Variants in GRID2 observed in about 807,000 individuals in gnomAD.
The protein encoded by GRID2 is glutamate ionotropic receptor delta type subunit 2.
A neutral mutation model predicts 114.8 loss-of-function variants in GRID2; 33 were observed. The observed-to-expected ratio is 0.29, with a 90% confidence interval of 0.22 to 0.38. The LOEUF is 0.38. Ranked by LOEUF, GRID2 falls within the 10% of genes least tolerant of loss-of-function variation. The pLI, the probability that GRID2 is intolerant of heterozygous loss-of-function variation, is 1.00. For synonymous variants in GRID2, 505 were observed against 449.9 expected, an observed-to-expected ratio of 1.12 and a Z score of -1.55; for missense variants, 1,184 against 1,257.7, an observed-to-expected ratio of 0.94 and a Z score of 0.89.
intron 1 of GRID2, among the ~76,000 whole-genome samples, chr4:92,384,608 A>ATT: frequency 1.9e-5 from 1 of 53,674 alleles, no homozygotes; most frequent in East Asian, 6.4e-4. Context: ...CATAATATAT[A>ATT]ATATATGTTA....
chr4:92,843,218 G>A (rs891588341), intron 2 of GRID2, among the ~76,000 whole-genome samples: 1 of 151,874 alleles, frequency 6.6e-6, no homozygotes, highest in African/African-American at 2.4e-5. Flanking sequence ...CTCCAGCCTG[G>A]GCGACAGAGT....
intron 8 of GRID2, among the ~76,000 whole-genome samples, chr4:93,335,241 A>G (rs1758925681): frequency 6.6e-6 from 1 of 152,210 alleles, no homozygotes; most frequent in Non-Finnish European, 1.5e-5. Flanking sequence ...CTGACACTTT[A>G]GGCAACTCAG....
At position 93,716,872 on chromosome 4, in the gene GRID2, G is replaced by T. The variant is rs191285447; in HGVS notation, c.2361-52338G>T. ...ACTTTATAAATGTATTCAAAGAAAGGGTCTCTAGATCAATGCAAATTTTTT... is the reference window on the plus strand; with the variant it reads ...ACTTTATAAATGTATTCAAAGAAAGTGTCTCTAGATCAATGCAAATTTTTT... On this transcript the variant is annotated intron_variant, in intron 14 of 15. Transcript: ENST00000282020. Among the ~76,000 whole-genome samples, 13 of 151,976 alleles carry T rather than the reference G, an allele frequency of 8.6e-5. No homozygotes were observed. The East Asian group carries it at 2.1e-3, about 25-fold the overall frequency.
intron 1 of GRID2, among the ~76,000 whole-genome samples, chr4:92,342,179 G>GTA (rs1160536048): frequency 5.9e-5 from 9 of 152,026 alleles, no homozygotes; most frequent in East Asian, 1.9e-4. Flanking sequence ...GTATGTGTGT[G>GTA]TATATATATA....
At chr4:92,719,748 A>C (rs1735723744) in intron 2 of GRID2, among the ~76,000 whole-genome samples, 1 of 152,112 alleles carries the variant, frequency 6.6e-6, no homozygotes, top group African/African-American at 2.4e-5. Context: ...AGGGGGAAGA[A>C]AAGATGACGA....
chr4:92,800,797 A>C (rs1246316939), intron 2 of GRID2, among the ~76,000 whole-genome samples: 1 of 151,984 alleles, frequency 6.6e-6, no homozygotes, highest in Non-Finnish European at 1.5e-5. Context: ...TCTTGGACAG[A>C]TTTAGACCCA....
At chr4:92,803,139 A>G (rs1278529886) in intron 2 of GRID2, among the ~76,000 whole-genome samples, 1 of 151,890 alleles carries the variant, frequency 6.6e-6, no homozygotes, top group African/African-American at 2.4e-5. Flanking sequence ...TCCTCTTAAT[A>G]TAGTGCTATT....
chr4:93,364,991 C>CT (rs1560542584), intron 8 of GRID2, among the ~76,000 whole-genome samples: 1 of 151,998 alleles, frequency 6.6e-6, no homozygotes. Flanking sequence ...TGTCTTTATT[C>CT]TTTTTTGTTT....
At chr4:93,045,889 G>T (rs1029162412) in intron 2 of GRID2, among the ~76,000 whole-genome samples, 3 of 152,040 alleles carry the variant, frequency 2.0e-5, no homozygotes, top group Admixed American at 1.3e-4. Flanking sequence ...TCTAAGCCAA[G>T]TATTTATGGG....
At chr4:93,504,135 T>C (rs750370157) in intron 12 of GRID2, among the ~76,000 whole-genome samples, 5 of 152,124 alleles carry the variant, frequency 3.3e-5, no homozygotes, top group Admixed American at 1.3e-4. Context: ...AAATTTTTGA[T>C]AGTATGATTA....
intron 1 of GRID2, among the ~76,000 whole-genome samples, chr4:93,797,298 T>G (rs1734823699): frequency 6.6e-6 from 1 of 152,204 alleles, no homozygotes; most frequent in African/African-American, 2.4e-5. Context: ...AAATTCCTAT[T>G]TCTAATACAT....
chr4:93,298,379 G>A (rs537936506), intron 8 of GRID2, among the ~76,000 whole-genome samples: 1 of 152,264 alleles, frequency 6.6e-6, no homozygotes, highest in African/African-American at 2.4e-5. Flanking sequence ...GTTACAGACC[G>A]CCAACTCCTG....
intron 8 of GRID2, among the ~76,000 whole-genome samples, chr4:93,245,221 T>G (rs1434816267): frequency 6.6e-6 from 1 of 152,148 alleles, no homozygotes; most frequent in Non-Finnish European, 1.5e-5. Flanking sequence ...TTGTTAAGTA[T>G]TTAATGAATG....
intron 6 of GRID2, among the ~76,000 whole-genome samples, chr4:93,221,624 G>A (rs1744885906): frequency 6.6e-6 from 1 of 151,982 alleles, no homozygotes. Context: ...TGAAGGAGGA[G>A]TCAAAGGCCT....
rs1271565593 is a variant in GRID2, at chr4:92,304,621, A to T, written c.-36A>T. ...TGTTTGAAAAAAAAAAAATTGGAAG[A>T]AAATCCATCCTCCAAGAGAATCGGC... On this transcript the variant is annotated 5_prime_UTR_variant, in exon 1 of 16. Coordinates refer to ENST00000282020, the MANE Select transcript of GRID2 (RefSeq NM_001510.4). 1 of 1,460,912 alleles carries T rather than the reference A, an allele frequency of 6.8e-7. No homozygotes were observed. The highest frequency in any genetic ancestry group is 1.7e-5 in the Admixed American group (1 of 59,478). The allele number at this position is 1,460,912 out of a possible 1,614,324, so 90.5% of individuals were successfully genotyped here.
chr4:92,731,153 T>C (rs1417882789), intron 2 of GRID2, among the ~76,000 whole-genome samples: 2 of 151,872 alleles, frequency 1.3e-5, no homozygotes, highest in Non-Finnish European at 2.9e-5. Flanking sequence ...ACTTTGAGGG[T>C]TTAAAAGCTC....
chr4:92,853,806 C>G (rs1661901887), intron 2 of GRID2, among the ~76,000 whole-genome samples: 1 of 151,786 alleles, frequency 6.6e-6, no homozygotes, highest in African/African-American at 2.4e-5. Context: ...CACATGTACA[C>G]AAACATGACA....
intron 14 of GRID2, among the ~76,000 whole-genome samples, chr4:93,705,058 C>T (rs1727871295): frequency 6.6e-6 from 1 of 152,118 alleles, no homozygotes; most frequent in African/African-American, 2.4e-5. Context: ...TACTAATTTA[C>T]ATTCCCGCTA....
chr4:92,704,723 T>TCTCTCTTTCTCTCTCTCTCTCTCTC (rs1734861937), intron 2 of GRID2, among the ~76,000 whole-genome samples: 2 of 90,046 alleles, frequency 2.2e-5, no homozygotes, highest in African/African-American at 4.2e-5. Context: ...CTCTCTCTCT[T>TCTCTCTTTCTCTCTCTCTCTCTCTC]TCTCTCTCTC....
Sources: gnomAD v4.1 joint callset for allele counts (sites outside exome capture counted in the v4.1 genomes callset) on GRCh38, gnomAD v4.1.1 for gene constraint, MANE v1.5 for transcripts, NCBI Gene and HGNC (gene_info 2026-07-23, HGNC 2026-07-21) for gene names.